Variants in TTC3 observed in about 807,000 individuals in gnomAD.
The protein encoded by TTC3 is tetratricopeptide repeat domain 3, also known as E3 ubiquitin-protein ligase TTC3.
In TTC3, 180 loss-of-function variants were observed where a neutral mutation model predicts 249.6. The observed-to-expected ratio is 0.72, with a 90% confidence interval of 0.64 to 0.82. The LOEUF is 0.82. Among genes scored for constraint, TTC3 ranks in the 40% least tolerant of loss-of-function variants. The pLI, the probability that TTC3 is intolerant of heterozygous loss-of-function variation, is 0.00. For synonymous variants in TTC3, 717 were observed against 805.0 expected (o/e 0.89, Z 1.85); for missense variants, 2,061 against 2,398.4 (o/e 0.86, Z 2.94).
intron 9 of TTC3, 130 bp from the exon 10 acceptor site, chr21:37,096,451 A>G (rs1318861153): frequency 8.1e-6 from 5 of 617,022 alleles, no homozygotes; most frequent in African/African-American, 1.9e-5. Flanking sequence ...TCCAGGTCCT[A>G]TATTCTTTTT....
At chr21:37,076,785 C>G (rs2070941256) in intron 1 of TTC3, among the ~76,000 whole-genome samples, 2 of 146,370 alleles carry the variant, frequency 1.4e-5, no homozygotes, top group Admixed American at 7.1e-5. Flanking sequence ...TCACTGCAAC[C>G]TCTGCCTCCC....
At chr21:37,170,494 A>G (rs188681808) in intron 34 of TTC3, among the ~76,000 whole-genome samples, 6 of 152,372 alleles carry the variant, frequency 3.9e-5, no homozygotes, top group African/African-American at 1.4e-4. Context: ...TAGAGAGACC[A>G]GTGAGCCAAG....
chr21:37,095,418 C>T (rs375469497), exon 9 of TTC3: 9 of 1,603,770 alleles, frequency 5.6e-6, no homozygotes, highest in Non-Finnish European at 6.8e-6. Flanking sequence ...TAGCTATTAT[C>T]TATTACACCA....
At chr21:37,143,215 G>A (rs1251086816) in intron 20 of TTC3, among the ~76,000 whole-genome samples, 1 of 152,076 alleles carries the variant, frequency 6.6e-6, no homozygotes, top group Non-Finnish European at 1.5e-5. Context: ...AACACCAAAA[G>A]CAATGGCAAC....
chr21:37,127,330 C>T (rs1232326468), intron 15 of TTC3, among the ~76,000 whole-genome samples: 1 of 152,086 alleles, frequency 6.6e-6, no homozygotes, highest in East Asian at 1.9e-4. Flanking sequence ...GGCTAAGTCT[C>T]ATTTGTTTTA....
In TTC3 at chr21:37,110,170, C is replaced by T. The variant is rs202051907; in HGVS notation, c.900+1724C>T. ...GAGTGCCTCTCCTCCTCCAAAGGAA[C>T]GCAGCTCCTCACCAGCAATGGAACA... On this transcript the variant is annotated intron_variant, in intron 11 of 45. Transcript: ENST00000355666. 4.6e-5 allele frequency among the ~76,000 whole-genome samples: 7 copies of T among 150,804 alleles called. No homozygotes were observed. In the East Asian group the frequency reaches 7.8e-4, roughly 17 times the overall value.
intron 27 of TTC3, among the ~76,000 whole-genome samples, chr21:37,153,854 C>G (rs2079724213): frequency 6.6e-6 from 1 of 152,020 alleles, no homozygotes; most frequent in Non-Finnish European, 1.5e-5. Flanking sequence ...ACTAATTGCT[C>G]AGGGTCACCT....
At chr21:37,082,647 T>G in intron 1 of TTC3, 7 of 985,410 alleles carry the variant, frequency 7.1e-6, no homozygotes, top group Non-Finnish European at 8.4e-6. Context: ...TTTGTTGCTT[T>G]TGCGTGGAGA....
exon 42 of TTC3, chr21:37,195,972 T>C: frequency 6.2e-7 from 1 of 1,614,138 alleles, no homozygotes; most frequent in Non-Finnish European, 8.5e-7. Flanking sequence ...TTCAAGCCAG[T>C]CTCCAAAAAA....
intron 10 of TTC3, chr21:37,107,843 T>C (rs1601476009): frequency 6.5e-6 from 1 of 152,674 alleles, no homozygotes; most frequent in East Asian, 1.9e-4. Context: ...CCCAGCACTT[T>C]GGGAGGCCAA....
At chr21:37,126,689 A>G (rs1251647438) in intron 15 of TTC3, among the ~76,000 whole-genome samples, 1 of 152,200 alleles carries the variant, frequency 6.6e-6, no homozygotes, top group East Asian at 1.9e-4. Context: ...TAAGCAACAA[A>G]CATTTATTTC....
intron 31 of TTC3, among the ~76,000 whole-genome samples, 168 bp downstream of exon 31, chr21:37,162,231 T>C (rs2835638): frequency 0.53 from 81,216 of 152,034 alleles, 22,333 homozygotes; most frequent in African/African-American, 0.64. Flanking sequence ...ATTTATATAG[T>C]GTGGCTAGAA....
chr21:37,181,977 TTCA>T (rs1479074652), intron 35 of TTC3, among the ~76,000 whole-genome samples: 2 of 152,198 alleles, frequency 1.3e-5, no homozygotes, highest in Admixed American at 1.3e-4. Context: ...AAGTTAGGAT[TTCA>T]TTAAGCCGTC....
At position 37,131,577 on chromosome 21, in the gene TTC3, T is replaced by C. The variant is rs78965811; in HGVS notation, c.1359-1105T>C. The stretch of plus-strand genomic sequence containing the variant: ...GTAAGCACTTCCTTGAGTTCCATTG[T>C]TTTTCTAGTGAGCCTGAAGAGGGAC... On this transcript the variant is annotated intron_variant, in intron 16 of 45. Transcript: ENST00000355666. Among the ~76,000 whole-genome samples, 720 of 152,152 alleles carry C rather than the reference T, an allele frequency of 4.7e-3. 9 individuals carry two copies. The highest frequency in any genetic ancestry group is 0.017 in the African/African-American group (690 of 41,496).
At chr21:37,097,521 C>T (rs1281558246) in intron 10 of TTC3, among the ~76,000 whole-genome samples, 1 of 152,120 alleles carries the variant, frequency 6.6e-6, no homozygotes, top group Non-Finnish European at 1.5e-5. Flanking sequence ...TTCATATTTG[C>T]CTCTGACCTT....
At chr21:37,136,578 C>T (rs1192489841) in intron 18 of TTC3, among the ~76,000 whole-genome samples, 1 of 152,138 alleles carries the variant, frequency 6.6e-6, no homozygotes, top group Non-Finnish European at 1.5e-5. Flanking sequence ...GAGGAAGCTG[C>T]AGAAGAATAG....
chr21:37,095,367 A>G, exon 9 of TTC3: 1 of 1,605,550 alleles, frequency 6.2e-7, no homozygotes, highest in Non-Finnish European at 8.5e-7. Context: ...AACTAATGAA[A>G]ATGAAAGGAA....
intron 11 of TTC3, among the ~76,000 whole-genome samples, chr21:37,114,874 C>T (rs1568956951): frequency 6.6e-6 from 1 of 152,054 alleles, no homozygotes; most frequent in Non-Finnish European, 1.5e-5. Context: ...GAGTTCATGT[C>T]CTTTGTAGGG....
chr21:37,127,522 A>G (rs2077129785), intron 15 of TTC3, among the ~76,000 whole-genome samples: 1 of 152,208 alleles, frequency 6.6e-6, no homozygotes, highest in South Asian at 2.1e-4. Flanking sequence ...AGTATATTAC[A>G]TGCTTCCCTG....
Sources: allele counts gnomAD v4.1 joint callset (sites outside exome capture counted in the v4.1 genomes callset), GRCh38; gene constraint gnomAD v4.1.1; transcripts MANE v1.5; gene names NCBI Gene and HGNC (gene_info 2026-07-23, HGNC 2026-07-21).